PHACTR1: variants seen among roughly 807,000 people sequenced by gnomAD.
PHACTR1 encodes the protein phosphatase and actin regulator 1.
In PHACTR1, 16 loss-of-function variants were observed where a neutral mutation model predicts 69.2. The ratio of observed to expected loss-of-function variants is 0.23; its 90% confidence interval spans 0.16 to 0.35. PHACTR1 has a LOEUF of 0.35. Among genes scored for constraint, PHACTR1 ranks in the 10% least tolerant of loss-of-function variants. The pLI is 1.00. For synonymous variants in PHACTR1, 312 were observed against 284.5 expected, an observed-to-expected ratio of 1.10 and a Z score of -0.97; for missense variants, 510 against 734.7, an observed-to-expected ratio of 0.69 and a Z score of 3.54.
intron 4 of PHACTR1, among the ~76,000 whole-genome samples, chr6:12,776,366 A>C (rs1770063953): frequency 6.6e-6 from 1 of 152,192 alleles, no homozygotes; most frequent in South Asian, 2.1e-4. Flanking sequence ...TGTGCTGAAA[A>C]AGCTTACTCT....
intron 4 of PHACTR1, among the ~76,000 whole-genome samples, chr6:12,839,311 C>T (rs1778462472): frequency 6.6e-6 from 1 of 152,164 alleles, no homozygotes; most frequent in Non-Finnish European, 1.5e-5. Flanking sequence ...ATGGTGTCAG[C>T]CCTTGCTCCT....
chr6:12,801,957 A>G (rs1479915755), intron 4 of PHACTR1, among the ~76,000 whole-genome samples: 1 of 151,882 alleles, frequency 6.6e-6, no homozygotes, highest in Non-Finnish European at 1.5e-5. Flanking sequence ...CTTGTTTACC[A>G]TTACTTATAT....
Position 13,266,316 on chromosome 6 carries a change from G to A in PHACTR1, c.1392-6544G>A, listed in dbSNP as rs571884783. ...GCCAAGCCTCCCAAAGCCTCTGCTC[G>A]GGTTTCCTCTTGCCTCCCCCAATCC... On this transcript the variant is annotated intron_variant, in intron 10 of 14. Coordinates refer to ENST00000332995, the MANE Select transcript of PHACTR1 (RefSeq NM_030948.6). 1.8e-3 allele frequency among the ~76,000 whole-genome samples: 268 copies of A among 152,112 alleles called. 1 individual carries two copies. The highest frequency in any genetic ancestry group is 3.3e-3 in the Non-Finnish European group (226 of 67,990).
chr6:12,788,857 G>C (rs1771874719), intron 4 of PHACTR1, among the ~76,000 whole-genome samples: 1 of 152,174 alleles, frequency 6.6e-6, no homozygotes, highest in South Asian at 2.1e-4. Context: ...TTGAAGACTT[G>C]AAGGCATAGG....
At chr6:12,827,873 G>A (rs899342096) in intron 4 of PHACTR1, among the ~76,000 whole-genome samples, 1 of 144,826 alleles carries the variant, frequency 6.9e-6, no homozygotes, top group African/African-American at 2.6e-5. Flanking sequence ...TCTGTCTTAT[G>A]TGAGGGTGAG....
chr6:13,206,015 T>G lies in PHACTR1; in HGVS notation c.865T>G (p.Tyr289Asp). Residue 289 changes from tyrosine (Y) to aspartate (D), a missense_variant, in exon 8 of 15, where the codon TAC (tyrosine) becomes GAC (aspartate). Physicochemically the swap from Tyr to Asp is radical, Grantham distance 160. Transcript: ENST00000332995. Reference sequence around the variant, plus strand: ...CTCCCAGATCCAGCACCAGCTGCAGTACGGCAGCCACGGCCAGCACCTCCC... The same window carrying G: ...CTCCCAGATCCAGCACCAGCTGCAGGACGGCAGCCACGGCCAGCACCTCCC... ...LPSQIQHQLQ[Y>D]GSHGQHLPST... The G allele has an allele frequency of 3.1e-6, 5 of 1,613,628 alleles. No individual in the cohort carries two copies. Among genetic ancestry groups the G allele is most frequent in the Non-Finnish European group, 4.2e-6 (5 of 1,179,840 alleles).
Position 13,195,757 on chromosome 6 carries a change from C to CAAAAAAAAAAAAA in PHACTR1, c.665-10047_665-10035dup, listed in dbSNP as rs869092852. On this transcript the variant is annotated intron_variant, in intron 7 of 14. Coordinates refer to ENST00000332995, the MANE Select transcript of PHACTR1 (RefSeq NM_030948.6). The stretch of plus-strand genomic sequence containing the variant: ...TGGGCGACAGAGAGAGACACCGTCT[C>CAAAAAAAAAAAAA]AAAAAAAAAAAAAAAAAAAAAAAGT... Among the ~76,000 whole-genome samples the CAAAAAAAAAAAAA allele has an allele frequency of 4.3e-3, 177 of 41,472 alleles. 28 individuals carry two copies. The highest frequency in any genetic ancestry group is 7.5e-3 in the South Asian group (12 of 1,600). The allele number at this position is 41,472 out of a possible 152,430, so 27.2% of individuals were successfully genotyped here. A position where few individuals can be genotyped will look rare whatever the true frequency, so the allele number is the denominator to read the frequency against.
chr6:12,771,003 C>G (rs1443110280), intron 4 of PHACTR1, among the ~76,000 whole-genome samples: 1 of 152,104 alleles, frequency 6.6e-6, no homozygotes, highest in African/African-American at 2.4e-5. Context: ...TGGAACCTGT[C>G]GTGGGACCAA....
At chr6:12,732,058 A>G (rs1404032334) in intron 3 of PHACTR1, among the ~76,000 whole-genome samples, 2 of 150,856 alleles carry the variant, frequency 1.3e-5, no homozygotes, top group African/African-American at 4.9e-5. Context: ...AGAATATGTG[A>G]TTTGCTTGGA....
intron 4 of PHACTR1, among the ~76,000 whole-genome samples, chr6:13,027,675 TA>T (rs1225617366): frequency 1.0e-5 from 1 of 96,514 alleles, no homozygotes; most frequent in Non-Finnish European, 2.6e-5. Flanking sequence ...GTAACAATAA[TA>T]TGTGGAATTT....
At chr6:13,133,528 C>T (rs867031142) in intron 5 of PHACTR1, among the ~76,000 whole-genome samples, 2 of 152,090 alleles carry the variant, frequency 1.3e-5, no homozygotes, top group Non-Finnish European at 2.9e-5. Flanking sequence ...AGCTCCTAAC[C>T]GCAAGTGATC....
intron 5 of PHACTR1, among the ~76,000 whole-genome samples, chr6:13,057,157 A>G (rs1480424658): frequency 6.6e-6 from 1 of 152,226 alleles, no homozygotes; most frequent in African/African-American, 2.4e-5. Context: ...ATGTTCCAAC[A>G]AAGAAAAGAT....
At chr6:12,940,456 C>T (rs1352035292) in intron 4 of PHACTR1, among the ~76,000 whole-genome samples, 5 of 152,258 alleles carry the variant, frequency 3.3e-5, no homozygotes, top group Admixed American at 6.5e-5. Flanking sequence ...GGAAGAGTTT[C>T]TATTTAGAAT....
intron 5 of PHACTR1, among the ~76,000 whole-genome samples, chr6:13,124,032 T>C (rs1819143455): frequency 6.6e-6 from 1 of 152,138 alleles, no homozygotes; most frequent in African/African-American, 2.4e-5. Context: ...GTGCAGATGA[T>C]CCAAGGAAAT....
chr6:12,854,881 A>G (rs1366174595), intron 4 of PHACTR1, among the ~76,000 whole-genome samples: 1 of 152,178 alleles, frequency 6.6e-6, no homozygotes, highest in Non-Finnish European at 1.5e-5. Context: ...TAAAAAGTCA[A>G]AAAATGTCAG....
Position 13,283,357 on chromosome 6 carries a change from G to A in PHACTR1, c.1510-65G>A. ...TATTTTCCACACCTGCAAGTTCACA[G>A]ACAGGACCAAGTGCCATGGTCAACC... On this transcript the variant is annotated intron_variant, in intron 12 of 14. Coordinates refer to ENST00000332995, the MANE Select transcript of PHACTR1 (RefSeq NM_030948.6). The surrounding 1 kb of genome is among the most constrained non-coding windows in gnomAD (Gnocchi z 4.7). The A allele has an allele frequency of 6.7e-7, 1 of 1,489,750 alleles. No homozygotes were observed. Among genetic ancestry groups the A allele is most frequent in the South Asian group, 1.1e-5 (1 of 87,640 alleles). 92.3% of individuals were successfully genotyped at this position (1,489,750 alleles called of 1,614,324 possible).
At chr6:12,732,082 G>C (rs1168075217) in intron 3 of PHACTR1, among the ~76,000 whole-genome samples, 1 of 151,384 alleles carries the variant, frequency 6.6e-6, no homozygotes, top group Non-Finnish European at 1.5e-5. Context: ...CCTGGGAGGT[G>C]GGGGAGGAGG....
At chr6:13,057,891 C>A (rs1344094404) in intron 5 of PHACTR1, among the ~76,000 whole-genome samples, 2 of 152,174 alleles carry the variant, frequency 1.3e-5, no homozygotes, top group Non-Finnish European at 2.9e-5. Context: ...AGGGGCTGAG[C>A]TCCAGATGGT....
chr6:13,028,203 G>A (rs1801971153), intron 4 of PHACTR1, among the ~76,000 whole-genome samples: 1 of 152,108 alleles, frequency 6.6e-6, no homozygotes, highest in Admixed American at 6.5e-5. Context: ...AAATTAATGT[G>A]CTGCGTTAGA....
Sources: allele counts gnomAD v4.1 joint callset (sites outside exome capture counted in the v4.1 genomes callset), GRCh38; gene constraint gnomAD v4.1.1; non-coding constraint Gnocchi (gnomAD v3.1); transcripts MANE v1.5; gene names NCBI Gene and HGNC (gene_info 2026-07-23, HGNC 2026-07-21).